ADAM12: variants seen among roughly 807,000 people sequenced by gnomAD.
The protein encoded by ADAM12 is ADAM metallopeptidase domain 12.
In ADAM12, 70 loss-of-function variants were observed where a neutral mutation model predicts 106.4. The observed-to-expected ratio is 0.66, with a 90% CI of 0.54 to 0.80. The LOEUF is 0.80. ADAM12 is among the 30% of genes least tolerant of loss of function. The pLI, the probability that ADAM12 is intolerant of heterozygous loss-of-function variation, is 0.00. For missense variants in ADAM12, 1,010 were observed against 1,171.9 expected (o/e 0.86, Z 2.02); for synonymous variants, 420 against 433.5 (o/e 0.97, Z 0.39).
At chr10:126,295,570 CAT>C (rs1262810188) in intron 2 of ADAM12, among the ~76,000 whole-genome samples, 1 of 151,156 alleles carries the variant, frequency 6.6e-6, no homozygotes. Flanking sequence ...CACACACACA[CAT>C]CTCTGTTCTC....
At chr10:126,260,256 C>A (rs1345166716) in intron 3 of ADAM12, among the ~76,000 whole-genome samples, 1 of 152,234 alleles carries the variant, frequency 6.6e-6, no homozygotes, top group African/African-American at 2.4e-5. Context: ...ACTATCCATA[C>A]TCACAGGCAA....
At chr10:126,207,510 A>G (rs1197635419) in intron 3 of ADAM12, among the ~76,000 whole-genome samples, 1 of 152,232 alleles carries the variant, frequency 6.6e-6, no homozygotes, top group Non-Finnish European at 1.5e-5. Context: ...GTGCAATTCC[A>G]ATGTTATTTT....
At chr10:126,018,259 C>G (rs1953696548) in intron 22 of ADAM12, among the ~76,000 whole-genome samples, 1 of 152,238 alleles carries the variant, frequency 6.6e-6, no homozygotes, top group African/African-American at 2.4e-5. Flanking sequence ...AGCAGGCTTC[C>G]TGCCAAGAGG....
intron 8 of ADAM12, among the ~76,000 whole-genome samples, chr10:126,103,697 A>T (rs902218952): frequency 2.0e-5 from 3 of 152,174 alleles, no homozygotes; most frequent in African/African-American, 7.2e-5. Context: ...CCCGGAGAGA[A>T]GCTCACGGGC....
Position 126,388,100 on chromosome 10 carries a change from G to T in ADAM12, c.46C>A (p.Leu16Ile). The T allele has an allele frequency of 1.6e-6, 2 of 1,232,804 alleles. No individual in the cohort carries two copies. The highest frequency in any genetic ancestry group is 7.7e-5 in the Admixed American group (2 of 26,044). The allele number at this position is 1,232,804 out of a possible 1,614,324, so 76.4% of individuals were successfully genotyped here. A position where few individuals can be genotyped will look rare whatever the true frequency, so the allele number is the denominator to read the frequency against. The change falls in exon 1 of 23, where the codon CTC becomes ATC. Residue 16 changes from leucine to isoleucine, a missense_variant. This residue lies in a region of ADAM12 where 391 missense variants were observed against 442.9 expected (regional missense o/e 0.88). Transcript: ENST00000448723. This position sits in a 1 kb window ranked among gnomAD's most constrained non-coding sequence, Gnocchi z 4.4. ...GCGAGCAGAGCACCGGCCAGGGCGA[G>T]CAGGAGGGCGCGGGCGGGGGACACG... is the stretch of plus-strand genomic sequence containing the variant. ...LPVSPARALL[L>I]ALAGALLAPC...
At chr10:126,178,789 G>A (rs531998959) in intron 3 of ADAM12, among the ~76,000 whole-genome samples, 59 of 152,252 alleles carry the variant, frequency 3.9e-4, no homozygotes, top group African/African-American at 1.4e-3. Flanking sequence ...GCTCACGCCT[G>A]TAATCCCAGC....
intron 3 of ADAM12, among the ~76,000 whole-genome samples, chr10:126,170,580 C>T (rs577727714): frequency 1.3e-5 from 2 of 152,210 alleles, no homozygotes; most frequent in Non-Finnish European, 2.9e-5. Context: ...CAAAAAAAGC[C>T]ATGGGTTGTG....
intron 1 of ADAM12, among the ~76,000 whole-genome samples, chr10:126,343,739 T>C (rs958683754): frequency 1.3e-5 from 2 of 152,216 alleles, no homozygotes; most frequent in Non-Finnish European, 2.9e-5. Flanking sequence ...TGTGAAATGG[T>C]ATCTCATTGT....
chr10:126,265,192 A>T (rs1959074478), intron 3 of ADAM12, among the ~76,000 whole-genome samples: 1 of 152,188 alleles, frequency 6.6e-6, no homozygotes, highest in Admixed American at 6.5e-5. Context: ...AATTTGGGGA[A>T]TACAGTGGCT....
chr10:126,350,240 A>C (rs1855301719), intron 1 of ADAM12, among the ~76,000 whole-genome samples: 1 of 147,920 alleles, frequency 6.8e-6, no homozygotes, highest in South Asian at 2.1e-4. Context: ...TGTTCATGTC[A>C]AGGGCTGGGT....
intron 2 of ADAM12, among the ~76,000 whole-genome samples, chr10:126,318,898 G>A (rs965166528): frequency 1.3e-5 from 2 of 152,114 alleles, no homozygotes; most frequent in African/African-American, 4.8e-5. Context: ...CTTACATGGT[G>A]GCAGGCAAGA....
At chr10:126,108,065 T>C (rs1447812420) in intron 8 of ADAM12, among the ~76,000 whole-genome samples, 2 of 152,216 alleles carry the variant, frequency 1.3e-5, no homozygotes, top group East Asian at 1.9e-4. Context: ...TCTGACCTAC[T>C]TGTTCTTGGC....
chr10:126,362,719 A>G (rs958176290), intron 1 of ADAM12, among the ~76,000 whole-genome samples: 5 of 152,212 alleles, frequency 3.3e-5, no homozygotes, highest in African/African-American at 1.2e-4. Context: ...TCTCATTTAT[A>G]TGTGGAATCT....
chr10:126,051,547 AT>A (rs1459521919), intron 14 of ADAM12, among the ~76,000 whole-genome samples: 1 of 58,754 alleles, frequency 1.7e-5, no homozygotes, highest in African/African-American at 1.6e-4. Context: ...CCATCCATCC[AT>A]CCATCCATCC....
At chr10:126,197,780 T>G (rs570530200) in intron 3 of ADAM12, among the ~76,000 whole-genome samples, 6 of 152,244 alleles carry the variant, frequency 3.9e-5, no homozygotes, top group Non-Finnish European at 7.4e-5. Flanking sequence ...TAGGTGGCCA[T>G]GTGACAGAGA....
rs768750546 is a variant in ADAM12 at position 126,049,272 on chromosome 10, G to T, written c.1898C>A (p.Thr633Lys). The T allele has an allele frequency of 1.9e-6, 3 of 1,614,106 alleles. No homozygotes were observed. The highest frequency in any genetic ancestry group is 2.5e-6 in the Non-Finnish European group (3 of 1,179,988). ...MPDPGLVLAG[T>K]KCADGKICLN... Reference sequence around the variant, plus strand: ...TCTTACTTTTCCATCTGCACACTTTGTGCCTGCAAGCACAAGCCCTGGGTC... The same window carrying T: ...TCTTACTTTTCCATCTGCACACTTTTTGCCTGCAAGCACAAGCCCTGGGTC... Residue 633 changes from threonine to lysine, a missense_variant, in exon 16 of 23, where the codon ACA (threonine) becomes AAA (lysine). Physicochemically the swap from Thr to Lys is moderately conservative, Grantham distance 78. This residue lies in a region of ADAM12 where 615 missense variants were observed against 708.5 expected (regional missense o/e 0.87). Transcript: ENST00000448723. This position sits in a 1 kb window ranked among gnomAD's most constrained non-coding sequence, Gnocchi z 4.4.
intron 6 of ADAM12, among the ~76,000 whole-genome samples, chr10:126,114,678 C>T (rs1955947793): frequency 2.0e-5 from 3 of 152,168 alleles, no homozygotes; most frequent in Non-Finnish European, 4.4e-5. Flanking sequence ...TGGGGTTTCA[C>T]CACGTTGGCC....
At chr10:126,277,356 A>G (rs1411837956) in intron 3 of ADAM12, among the ~76,000 whole-genome samples, 2 of 152,094 alleles carry the variant, frequency 1.3e-5, no homozygotes, top group African/African-American at 2.4e-5. Context: ...GCCTCCCCTC[A>G]TGCTGTGCAC....
chr10:126,124,627 T>C (rs1956169486), intron 5 of ADAM12, among the ~76,000 whole-genome samples: 1 of 152,040 alleles, frequency 6.6e-6, no homozygotes, highest in Non-Finnish European at 1.5e-5. Context: ...GCATGGTGGC[T>C]CATGCCTGTA....
Sources: allele counts gnomAD v4.1 joint callset (sites outside exome capture counted in the v4.1 genomes callset), GRCh38; gene constraint gnomAD v4.1.1; regional missense constraint gnomAD v4.1.1; non-coding constraint Gnocchi (gnomAD v3.1); transcripts MANE v1.5; gene names NCBI Gene and HGNC (gene_info 2026-07-23, HGNC 2026-07-21).